The following PCDHA7 variants were observed in gnomAD, a reference collection of about 807,000 sequenced individuals.
PCDHA7 encodes protocadherin alpha-7.
PCDHA7 carries 37 observed loss-of-function variants against 57.2 expected under a neutral mutation model. The observed-to-expected ratio is 0.65, with a 90% CI of 0.50 to 0.85. The LOEUF (loss-of-function observed/expected upper bound fraction) is 0.85, where lower values mean the gene tolerates loss of function less well. Among genes scored for constraint, PCDHA7 ranks in the 40% least tolerant of loss-of-function variants. PCDHA7 has a pLI of 0.00. For synonymous variants in PCDHA7, 553 were observed against 558.8 expected, an observed-to-expected ratio of 0.99 and a Z score of 0.15; for missense variants, 1,188 against 1,241.8, an observed-to-expected ratio of 0.96 and a Z score of 0.65.
chr5:140,836,207 G>C lies in PCDHA7; in HGVS notation c.1824G>C (p.Ser608=), dbSNP rs1227998553. The C allele has an allele frequency of 4.6e-5, 74 of 1,613,726 alleles. No individual in the cohort carries two copies. Among genetic ancestry groups the C allele is most frequent in the Non-Finnish European group, 5.7e-5 (67 of 1,179,834 alleles). The change falls in exon 1 of 4, where the codon TCG becomes TCC. Residue 608 remains serine, a synonymous_variant. Transcript: ENST00000525929. The stretch of plus-strand genomic sequence containing the variant: ...ACTCAGGCTACAACGCGTGGCTTTC[G>C]TATGAGTTGCAACCGGTGGCGGCCG... The part of the protein sequence containing the change: ...DADSGYNAWL[S]YELQPVAAGA...
At chr5:140,848,688 C>T in intron 1 of PCDHA7, 1 of 1,592,412 alleles carries the variant, frequency 6.3e-7, no homozygotes. Context: ...GCGCCTGTTC[C>T]AGTTGGATTC....
chr5:140,872,873 A>G (rs1419569928), intron 1 of PCDHA7, among the ~76,000 whole-genome samples: 1 of 152,204 alleles, frequency 6.6e-6, no homozygotes, highest in African/African-American at 2.4e-5. Flanking sequence ...GACAATTATC[A>G]GTTTCATTCA....
intron 1 of PCDHA7, among the ~76,000 whole-genome samples, chr5:140,944,214 G>T (rs72801002): frequency 0.015 from 2,290 of 152,232 alleles, 30 homozygotes; most frequent in Non-Finnish European, 0.021. Context: ...TTTAAAGAGG[G>T]TTTTACTCTG....
Position 140,929,423 on chromosome 5 carries a change from C to T in PCDHA7, c.2356-49526C>T, listed in dbSNP as rs1435902323. 4.7e-6 allele frequency: 7 copies of T among 1,499,372 alleles called. No homozygotes were observed. In the Admixed American group the frequency reaches 7.1e-5, roughly 15 times the overall value. The allele number at this position is 1,499,372 out of a possible 1,614,324, so 92.9% of individuals were successfully genotyped here. A position where few individuals can be genotyped will look rare whatever the true frequency, so the allele number is the denominator to read the frequency against. The stretch of plus-strand genomic sequence containing the variant: ...AGACAAGCCTTTCACAACATTTCAT[C>T]AATTGAACTAAACACTCCTTCTTAG... On this transcript the variant is annotated intron_variant, in intron 1 of 3. Transcript: ENST00000525929.
intron 1 of PCDHA7, chr5:140,858,122 G>A (rs2045205238): frequency 1.3e-6 from 2 of 1,597,922 alleles, no homozygotes; most frequent in Non-Finnish European, 1.7e-6. Flanking sequence ...GGTGGCCCTG[G>A]TGGATGTCAA....
At chr5:141,007,235 T>G (rs2098311065) in intron 3 of PCDHA7, among the ~76,000 whole-genome samples, 1 of 151,964 alleles carries the variant, frequency 6.6e-6, no homozygotes, top group Non-Finnish European at 1.5e-5. Context: ...GAAGGATTGT[T>G]GAGCTGAAGG....
intron 1 of PCDHA7, chr5:140,882,642 A>C (rs2153386129): frequency 6.2e-7 from 1 of 1,614,224 alleles, no homozygotes; most frequent in East Asian, 2.2e-5. Flanking sequence ...AAGGTGAGGG[A>C]CATTAACGAC....
In PCDHA7 at chr5:140,841,444, C is replaced by T. The variant is rs2150315677; in HGVS notation, c.2355+4706C>T. 15 of 1,612,806 alleles carry T rather than the reference C, an allele frequency of 9.3e-6. 1 individual carries two copies. The highest frequency in any genetic ancestry group is 1.3e-5 in the African/African-American group (1 of 74,834). ...ACTCCGTCCCCGAGGAGGCCAAACACGGCACCTTCGTGGGCCGGATCGCGC... is the reference window on the plus strand; with the variant it reads ...ACTCCGTCCCCGAGGAGGCCAAACATGGCACCTTCGTGGGCCGGATCGCGC... On this transcript the variant is annotated intron_variant, in intron 1 of 3. Transcript: ENST00000525929.
chr5:140,918,321 T>C (rs1175303192), intron 1 of PCDHA7, among the ~76,000 whole-genome samples: 2 of 152,054 alleles, frequency 1.3e-5, no homozygotes, highest in Non-Finnish European at 2.9e-5. Flanking sequence ...GGTATAAAAT[T>C]ATATTGTCTG....
intron 1 of PCDHA7, chr5:140,877,726 C>T (rs781814794): frequency 6.2e-7 from 1 of 1,614,174 alleles, no homozygotes; most frequent in African/African-American, 1.3e-5. Context: ...GTCTTACTCG[C>T]AGCAGAGGAG....
In PCDHA7 at chr5:140,839,562, G is replaced by A. The variant is rs150033615; in HGVS notation, c.2355+2824G>A. 3.5e-3 allele frequency among the ~76,000 whole-genome samples: 533 copies of A among 151,978 alleles called. 7 individuals carry two copies. The highest frequency in any genetic ancestry group is 0.012 in the African/African-American group (497 of 41,442). ...ACACCACCATGCCCAACTAATTTTT[G>A]TATTTTTTGTAGAGATGGGGTCTTA... On this transcript the variant is annotated intron_variant, in intron 1 of 3. Coordinates refer to ENST00000525929, the MANE Select transcript of PCDHA7 (RefSeq NM_018910.3).
At chr5:140,863,608 T>C (rs548888922) in intron 1 of PCDHA7, 1 of 349,702 alleles carries the variant, frequency 2.9e-6, no homozygotes, top group Non-Finnish European at 5.6e-6. Flanking sequence ...CCTATTAATG[T>C]CCCTCATAGT....
chr5:141,007,377 A>C (rs13186204), intron 3 of PCDHA7, among the ~76,000 whole-genome samples: 7,611 of 136,554 alleles, frequency 0.056, 239 homozygotes, highest in South Asian at 0.11. Flanking sequence ...ATGATGGAAC[A>C]CCATCTCTAC....
intron 1 of PCDHA7, among the ~76,000 whole-genome samples, chr5:140,925,937 C>T (rs1244990026): frequency 1.4e-5 from 2 of 138,450 alleles, no homozygotes; most frequent in East Asian, 3.9e-4. Flanking sequence ...AGTAGAGCCT[C>T]TTGGAGAAGG....
At position 140,876,284 on chromosome 5, in the gene PCDHA7, A is replaced by C. The variant is rs781831935; in HGVS notation, c.2355+39546A>C. 1.7e-5 allele frequency: 27 copies of C among 1,613,954 alleles called. No homozygotes were observed. The highest frequency in any genetic ancestry group is 2.3e-5 in the Non-Finnish European group (27 of 1,179,908). ...CAACTAAATGCTTCCGATCCAGACG[A>C]AGGACTTAATGGAGAAATTTCCTAT... On this transcript the variant is annotated intron_variant, in intron 1 of 3. Transcript: ENST00000525929.
chr5:140,943,751 T>C (rs947548745), intron 1 of PCDHA7, among the ~76,000 whole-genome samples: 1 of 152,048 alleles, frequency 6.6e-6, no homozygotes, highest in South Asian at 2.1e-4. Flanking sequence ...CTAAAAGCAG[T>C]AGGAGATGTA....
chr5:140,914,126 G>T (rs2076615202), intron 1 of PCDHA7, among the ~76,000 whole-genome samples: 1 of 152,132 alleles, frequency 6.6e-6, no homozygotes, highest in Non-Finnish European at 1.5e-5. Context: ...ATGTTTCTTT[G>T]TTGAGTTTTT....
At position 140,864,130 on chromosome 5, in the gene PCDHA7, G is replaced by A. The variant is rs1269875416; in HGVS notation, c.2355+27392G>A. ...TAGTAATAATGAATTAGACTGAGTG[G>A]CTGTTTCCTGTAAATGAGAAAGTTA... On this transcript the variant is annotated intron_variant, in intron 1 of 3. Coordinates refer to ENST00000525929, the MANE Select transcript of PCDHA7 (RefSeq NM_018910.3). 3 of 152,238 alleles carry A rather than the reference G, an allele frequency of 2.0e-5. No individual in the cohort carries two copies. The East Asian group carries it at 5.8e-4, about 29-fold the overall frequency. 9.4% of individuals were successfully genotyped at this position (152,238 alleles called of 1,614,324 possible).
chr5:141,007,524 C>T (rs2098334216), intron 3 of PCDHA7, among the ~76,000 whole-genome samples: 1 of 151,984 alleles, frequency 6.6e-6, no homozygotes, highest in African/African-American at 2.4e-5. Context: ...GCTGATATCT[C>T]GCCACTGCAC....
Sources: gnomAD v4.1 joint callset for allele counts (sites outside exome capture counted in the v4.1 genomes callset) on GRCh38, gnomAD v4.1.1 for gene constraint, MANE v1.5 for transcripts, NCBI Gene and HGNC (gene_info 2026-07-23, HGNC 2026-07-21) for gene names.